EML5: variants seen among roughly 807,000 people sequenced by gnomAD.
The protein encoded by EML5 is echinoderm microtubule-associated protein-like 5.
In EML5, 120 loss-of-function variants were observed where a neutral mutation model predicts 250.0. The ratio of observed to expected loss-of-function variants is 0.48; its 90% confidence interval spans 0.41 to 0.56. EML5 has a LOEUF of 0.56. Among genes scored for constraint, EML5 ranks in the 20% least tolerant of loss-of-function variants. The pLI is 0.00. For missense variants in EML5, 2,006 were observed against 2,437.6 expected, an observed-to-expected ratio of 0.82 and a Z score of 3.73; for synonymous variants, 771 against 806.5, an observed-to-expected ratio of 0.96 and a Z score of 0.75.
At chr14:88,747,761 G>A (rs545851397) in intron 2 of EML5, among the ~76,000 whole-genome samples, 7 of 152,198 alleles carry the variant, frequency 4.6e-5, no homozygotes, top group Non-Finnish European at 1.0e-4. Flanking sequence ...AAGATTAGCA[G>A]GAGATGAAAA....
chr14:88,693,687 AG>A (rs1876723649), intron 17 of EML5, among the ~76,000 whole-genome samples: 2 of 150,482 alleles, frequency 1.3e-5, no homozygotes, highest in Admixed American at 6.6e-5. Flanking sequence ...AGATAATTTT[AG>A]ATTTCCAGAA....
intron 33 of EML5, among the ~76,000 whole-genome samples, chr14:88,634,056 C>T (rs1045792501): frequency 3.3e-5 from 5 of 152,122 alleles, no homozygotes; most frequent in Admixed American, 6.5e-5. Context: ...CTGCCCAAAT[C>T]GCACATTGAA....
chr14:88,679,169 T>A (rs368430035), intron 21 of EML5, among the ~76,000 whole-genome samples: 75 of 149,362 alleles, frequency 5.0e-4, no homozygotes, highest in African/African-American at 1.7e-3. Context: ...AAATCTAGTA[T>A]GCCTTTGTCT....
In EML5 at chr14:88,618,829, C is replaced by T. The variant is rs752675923; in HGVS notation, c.5376-17G>A. The stretch of plus-strand genomic sequence containing the variant: ...GGACTAAATCTGAATCAAAACAAAA[C>T]GTAAAAAGTATTAGACCACATGAAG... On this transcript the variant is annotated splice_polypyrimidine_tract_variant and intron_variant, in intron 39 of 43. Coordinates refer to ENST00000554922, the MANE Select transcript of EML5 (RefSeq NM_183387.3). 27 of 1,556,320 alleles carry T rather than the reference C, an allele frequency of 1.7e-5. No homozygotes were observed. Among genetic ancestry groups the T allele is most frequent in the Middle Eastern group, 1.9e-4 (1 of 5,352 alleles).
At chr14:88,770,357 A>G (rs2094377445) in intron 1 of EML5, among the ~76,000 whole-genome samples, 1 of 152,108 alleles carries the variant, frequency 6.6e-6, no homozygotes, top group Non-Finnish European at 1.5e-5. Flanking sequence ...TAGAAATTTT[A>G]TAGTTTTACC....
intron 1 of EML5, among the ~76,000 whole-genome samples, chr14:88,779,999 G>A (rs2094481695): frequency 6.6e-6 from 1 of 152,048 alleles, no homozygotes; most frequent in Non-Finnish European, 1.5e-5. Context: ...GCCCAGGATG[G>A]AGTACAGTGG....
intron 1 of EML5, among the ~76,000 whole-genome samples, chr14:88,766,786 CATGTG>C (rs1051755328): frequency 6.6e-6 from 1 of 152,168 alleles, no homozygotes; most frequent in African/African-American, 2.4e-5. Context: ...AACCTGCCAA[CATGTG>C]ATGTCTCCCC....
intron 7 of EML5, among the ~76,000 whole-genome samples, chr14:88,730,498 A>G (rs2093738542): frequency 6.6e-6 from 1 of 152,244 alleles, no homozygotes; most frequent in Admixed American, 6.5e-5. Context: ...GACTTGTTTA[A>G]GACTGTTAGC....
chr14:88,717,662 G>T (rs920655068), intron 8 of EML5, among the ~76,000 whole-genome samples: 1 of 152,156 alleles, frequency 6.6e-6, no homozygotes, highest in Admixed American at 6.5e-5. Flanking sequence ...GGCTGAGGCA[G>T]GAAAATCACT....
At chr14:88,622,799 C>T in intron 36 of EML5, 81 bp from the exon 37 acceptor site, 1 of 890,048 alleles carries the variant, frequency 1.1e-6, no homozygotes, top group Non-Finnish European at 1.5e-6. Flanking sequence ...AAGTTATAAG[C>T]AGAATCTTTT....
chr14:88,638,876 A>T lies in EML5; in HGVS notation c.4269T>A (p.Asp1423Glu). Residue 1423 changes from aspartate to glutamate, a missense_variant, in exon 32 of 44, where the codon GAT becomes GAA. Around this residue, in one of 7 missense-constraint regions of EML5, gnomAD observed 1,375 missense variants for 1,590.3 expected, o/e 0.86. Transcript: ENST00000554922. Reference sequence around the variant, plus strand: ...GGTTTACTGTGAGGCACAGAATATCATCATTATGTTCCTGATAAAAACTCT... The same window carrying T: ...GGTTTACTGTGAGGCACAGAATATCTTCATTATGTTCCTGATAAAAACTCT... ...GSQSFYQEHN[D>E]DILCLTVNQH... 6.3e-7 allele frequency: 1 copy of T among 1,593,846 alleles called. No individual in the cohort carries two copies. The highest frequency in any genetic ancestry group is 2.3e-5 in the East Asian group (1 of 44,366).
At position 88,696,866 on chromosome 14, in the gene EML5, A is replaced by G; in HGVS notation, c.2325T>C (p.Val775=). The change falls in exon 15 of 44, where the codon GTT becomes GTC. Residue 775 remains valine (V), a synonymous_variant. Coordinates refer to ENST00000554922, the MANE Select transcript of EML5 (RefSeq NM_183387.3). ...SILKGHHQYG[V]SAVDFSADGK... ...CCTTACCTGAGAAATCAACGGCACT[A>G]ACACCATACTGGTGGTGGCCCTTTA... The G allele has an allele frequency of 6.2e-7, 1 of 1,607,428 alleles. No homozygotes were observed. The highest frequency in any genetic ancestry group is 1.1e-5 in the South Asian group (1 of 89,570).
chr14:88,726,751 A>C, intron 7 of EML5, 73 bp from the exon 8 acceptor site: 1 of 1,103,240 alleles, frequency 9.1e-7, no homozygotes, highest in Non-Finnish European at 1.2e-6. Flanking sequence ...TGGTTAAAAT[A>C]ATCTCATCTT....
chr14:88,742,349 GTTTCA>G (rs2093937015), intron 4 of EML5, among the ~76,000 whole-genome samples: 1 of 151,824 alleles, frequency 6.6e-6, no homozygotes, highest in Non-Finnish European at 1.5e-5. Flanking sequence ...TGAATTTTAA[GTTTCA>G]TTTAACTAAT....
Position 88,694,292 on chromosome 14 carries a change from G to T in EML5, c.2539+15C>A. The stretch of plus-strand genomic sequence containing the variant: ...TCTTAAAATTCTATGGAGTAAAAAA[G>T]AAGCACTTTCTTACCTGCTTTACGC... On this transcript the variant is annotated intron_variant, in intron 17 of 43. Transcript: ENST00000554922. 6.5e-7 allele frequency: 1 copy of T among 1,528,244 alleles called. No individual in the cohort carries two copies. Among genetic ancestry groups the T allele is most frequent in the Non-Finnish European group, 8.9e-7 (1 of 1,124,362 alleles). The allele number at this position is 1,528,244 out of a possible 1,614,324, so 94.7% of individuals were successfully genotyped here.
chr14:88,680,668 TAATC>T (rs2092697226), intron 21 of EML5, among the ~76,000 whole-genome samples: 1 of 152,166 alleles, frequency 6.6e-6, no homozygotes, highest in South Asian at 2.1e-4. Flanking sequence ...CTCATAGTGA[TAATC>T]TAATACCATT....
At chr14:88,655,312 G>A (rs1191212457) in intron 27 of EML5, among the ~76,000 whole-genome samples, 2 of 152,124 alleles carry the variant, frequency 1.3e-5, no homozygotes, top group African/African-American at 2.4e-5. Flanking sequence ...AGAGGCCTCA[G>A]GAATAATGCC....
At chr14:88,646,894 A>G in intron 29 of EML5, 53 bp downstream of exon 29, 1 of 1,569,068 alleles carries the variant, frequency 6.4e-7, no homozygotes, top group Non-Finnish European at 8.6e-7. Flanking sequence ...TAAATATGGA[A>G]GATGACAAAA....
intron 5 of EML5, 80 bp downstream of exon 5, chr14:88,740,307 A>G: frequency 1.7e-6 from 2 of 1,162,858 alleles, no homozygotes; most frequent in Non-Finnish European, 2.3e-6. Context: ...GAAACAATAT[A>G]CTATATTACG....
Sources: gnomAD v4.1 joint callset for allele counts (sites outside exome capture counted in the v4.1 genomes callset) on GRCh38, gnomAD v4.1.1 for gene constraint, gnomAD v4.1.1 regional missense constraint, MANE v1.5 for transcripts, NCBI Gene and HGNC (gene_info 2026-07-23, HGNC 2026-07-21) for gene names.